CERS3: variants seen among roughly 807,000 people sequenced by gnomAD.
The protein encoded by CERS3 is LAG1 homolog, ceramide synthase 3.
Under a neutral mutation model 50.3 loss-of-function variants are expected in CERS3, and 33 were observed. The ratio of observed to expected loss-of-function variants is 0.66; its 90% confidence interval spans 0.50 to 0.88. The LOEUF is 0.88. CERS3 is among the 40% of genes least tolerant of loss of function. The pLI, the probability that CERS3 is intolerant of heterozygous loss-of-function variation, is 0.00. For synonymous variants in CERS3, 176 were observed against 155.2 expected (o/e 1.13, Z -0.99); for missense variants, 470 against 460.3 (o/e 1.02, Z -0.19).
intron 11 of CERS3, among the ~76,000 whole-genome samples, chr15:100,431,316 T>C (rs1017350937): frequency 6.6e-6 from 1 of 151,048 alleles, no homozygotes; most frequent in African/African-American, 2.4e-5. Context: ...ATATAATAAA[T>C]GGTTCTTTAA....
rs367813115 is a variant in CERS3 at position 100,490,890 on chromosome 15, T to G, written c.215A>C (p.Glu72Ala). ...ATTTGGTGTAACCTTTCGAACTGTC[T>G]CTTTAATGCCAAATGATTTTGCTAG... ...SPLAKSFGIKETVRKVTPNTV... is the reference protein window; with the variant it reads ...SPLAKSFGIKATVRKVTPNTV... Residue 72 changes from glutamate to alanine, a missense_variant, in exon 4 of 12, where the codon GAG (glutamate) becomes GCG (alanine). Transcript: ENST00000679737. The G allele has an allele frequency of 8.7e-6, 14 of 1,608,040 alleles. No individual in the cohort carries two copies. The highest frequency in any genetic ancestry group is 1.2e-5 in the Non-Finnish European group (14 of 1,178,146).
chr15:100,445,367 T>C (rs1335378560), intron 11 of CERS3, among the ~76,000 whole-genome samples: 3 of 151,338 alleles, frequency 2.0e-5, no homozygotes, highest in African/African-American at 7.3e-5. Context: ...CCTGGTGCTA[T>C]CCCCAAACCG....
chr15:100,444,357 G>C (rs565273220), intron 11 of CERS3, among the ~76,000 whole-genome samples: 21 of 100,360 alleles, frequency 2.1e-4, no homozygotes, highest in African/African-American at 4.9e-4. Flanking sequence ...ACTTCAATCC[G>C]GCCTCCCACA....
intron 1 of CERS3, among the ~76,000 whole-genome samples, chr15:100,537,644 G>A (rs910489295): frequency 1.3e-5 from 2 of 152,134 alleles, no homozygotes; most frequent in African/African-American, 4.8e-5. Flanking sequence ...GGGGGAAACT[G>A]CCCTCATGAT....
chr15:100,410,495 G>A (rs961461556), intron 11 of CERS3, among the ~76,000 whole-genome samples: 6 of 152,144 alleles, frequency 3.9e-5, no homozygotes, highest in Non-Finnish European at 5.9e-5. Context: ...GATTAAAGTT[G>A]GATCAAAGTC....
upstream of CERS3, among the ~76,000 whole-genome samples, chr15:100,531,337 A>G (rs1320884718): frequency 6.6e-6 from 1 of 152,192 alleles, no homozygotes; most frequent in Non-Finnish European, 1.5e-5. Context: ...AGATGTAAAA[A>G]TGAGGCTATT....
intron 5 of CERS3, among the ~76,000 whole-genome samples, chr15:100,480,687 A>G (rs1375369119): frequency 6.6e-6 from 1 of 152,206 alleles, no homozygotes; most frequent in Non-Finnish European, 1.5e-5. Flanking sequence ...AACACTGAAT[A>G]TTTTCTATTA....
At chr15:100,454,885 AAC>A (rs2034306938) in intron 11 of CERS3, among the ~76,000 whole-genome samples, 1 of 152,108 alleles carries the variant, frequency 6.6e-6, no homozygotes, top group Admixed American at 6.5e-5. Flanking sequence ...CAACAACAAC[AAC>A]AAATAATAAT....
chr15:100,536,754 C>T (rs554459336), intron 1 of CERS3, among the ~76,000 whole-genome samples: 1 of 152,314 alleles, frequency 6.6e-6, no homozygotes, highest in South Asian at 2.1e-4. Context: ...TTACTGAACA[C>T]TGGGCTGGGC....
rs1017152210 is a variant in CERS3, at chr15:100,416,943, C to T, written c.1000-14078G>A. Among the ~76,000 whole-genome samples, 8 of 152,120 alleles carry T rather than the reference C, an allele frequency of 5.3e-5. No homozygotes were observed. The South Asian group carries it at 1.0e-3, about 20-fold the overall frequency. On this transcript the variant is annotated intron_variant, in intron 11 of 11. Coordinates refer to ENST00000679737, the MANE Select transcript of CERS3 (RefSeq NM_001378789.1). ...AGAACAGATATTTCTCAAAAGAAAACGTACATGCAGCCAACAAGCATATGA... is the reference window on the plus strand; with the variant it reads ...AGAACAGATATTTCTCAAAAGAAAATGTACATGCAGCCAACAAGCATATGA...
chr15:100,489,857 T>C lies in CERS3; in HGVS notation c.288+960A>G, dbSNP rs554595462. Among the ~76,000 whole-genome samples the C allele has an allele frequency of 5.9e-5, 9 of 152,320 alleles. No homozygotes were observed. In the East Asian group the frequency reaches 1.7e-3, roughly 29 times the overall value. On this transcript the variant is annotated intron_variant, in intron 4 of 11. Coordinates refer to ENST00000679737, the MANE Select transcript of CERS3 (RefSeq NM_001378789.1). The stretch of plus-strand genomic sequence containing the variant: ...AGTTAGAGCCAGCTCTCACTTGCTA[T>C]GAGCAATTCTGGACACCATATCTCA...
At chr15:100,480,316 T>A (rs913659252) in intron 5 of CERS3, among the ~76,000 whole-genome samples, 3 of 152,208 alleles carry the variant, frequency 2.0e-5, no homozygotes, top group Non-Finnish European at 4.4e-5. Context: ...ATAACAGGTC[T>A]AGCATAAAGT....
chr15:100,476,296 T>C (rs948733037), intron 7 of CERS3, 118 bp from the exon 8 acceptor site: 15 of 513,156 alleles, frequency 2.9e-5, no homozygotes, highest in Non-Finnish European at 7.0e-6. Context: ...AAAATAACAT[T>C]GACTGATATT....
At chr15:100,446,552 A>G (rs1411569078) in intron 11 of CERS3, among the ~76,000 whole-genome samples, 1 of 152,128 alleles carries the variant, frequency 6.6e-6, no homozygotes, top group Non-Finnish European at 1.5e-5. Flanking sequence ...TTAATCAAAG[A>G]GTTGATTAAA....
rs989737231 is a variant in CERS3 at position 100,493,404 on chromosome 15, G to A, written c.174-2473C>T. On this transcript the variant is annotated intron_variant, in intron 3 of 11. Coordinates refer to ENST00000679737, the MANE Select transcript of CERS3 (RefSeq NM_001378789.1). The stretch of plus-strand genomic sequence containing the variant: ...CCTACATAGATGCTGATGAGAAATC[G>A]ATTCCTAATCATAATGAGAATTCCT... Among the ~76,000 whole-genome samples, 12 of 152,100 alleles carry A rather than the reference G, an allele frequency of 7.9e-5. 1 individual carries two copies. Among genetic ancestry groups the A allele is most frequent in the South Asian group, 2.1e-4 (1 of 4,826 alleles).
At chr15:100,541,010 G>C (rs779322510) in intron 1 of CERS3, among the ~76,000 whole-genome samples, 1 of 152,126 alleles carries the variant, frequency 6.6e-6, no homozygotes, top group Non-Finnish European at 1.5e-5. Flanking sequence ...CAGTGAACAA[G>C]GCAGATACCG....
intron 2 of CERS3, among the ~76,000 whole-genome samples, chr15:100,510,122 G>C (rs985933576): frequency 1.1e-4 from 16 of 151,980 alleles, no homozygotes; most frequent in Admixed American, 3.3e-4. Context: ...CAAGCCCATG[G>C]TAAATTCCAA....
Position 100,513,141 on chromosome 15 carries a change from G to A in CERS3, c.-2+8526C>T, listed in dbSNP as rs4965667. ...CTTCCCTTCAAGATGTGTTTCTCTT[G>A]GCTCTGTAATAAAACTCCACAATAT... On this transcript the variant is annotated intron_variant, in intron 2 of 11. Coordinates refer to ENST00000679737, the MANE Select transcript of CERS3 (RefSeq NM_001378789.1). 3.3e-3 allele frequency among the ~76,000 whole-genome samples: 502 copies of A among 152,236 alleles called. 4 individuals are homozygous for A. Among genetic ancestry groups the A allele is most frequent in the Middle Eastern group, 0.01 (3 of 294 alleles).
rs1434682178 is a variant in CERS3 at position 100,458,486 on chromosome 15, T to A, written c.846-2440A>T. 4.0e-5 allele frequency among the ~76,000 whole-genome samples: 6 copies of A among 151,602 alleles called. No individual in the cohort carries two copies. In the East Asian group the frequency reaches 7.8e-4, roughly 20 times the overall value. On this transcript the variant is annotated intron_variant, in intron 10 of 11. Coordinates refer to ENST00000679737, the MANE Select transcript of CERS3 (RefSeq NM_001378789.1). ...CTGTAATCCTGGCTACTTGGGATGC[T>A]GAGGGAAGAGAATTGCTTGAACCTG...
Sources: allele counts gnomAD v4.1 joint callset (sites outside exome capture counted in the v4.1 genomes callset), GRCh38; gene constraint gnomAD v4.1.1; transcripts MANE v1.5; gene names NCBI Gene and HGNC (gene_info 2026-07-23, HGNC 2026-07-21).